Variants in CACNA1C observed in about 807,000 individuals in gnomAD.
CACNA1C encodes the protein voltage-dependent L-type calcium channel subunit alpha-1C.
In CACNA1C, 30 loss-of-function variants were observed where a neutral mutation model predicts 229.0. The observed-to-expected ratio is 0.13, with a 90% CI of 0.10 to 0.18. CACNA1C has a LOEUF of 0.18. CACNA1C is among the 10% of genes least tolerant of loss of function. The probability of loss-of-function intolerance (pLI) is 1.00; values close to 1 mark genes in which losing one functional copy is unlikely to be tolerated. For missense variants in CACNA1C, 1,658 were observed against 2,845.0 expected (o/e 0.58, Z 9.49); for synonymous variants, 1,114 against 1,132.5 (o/e 0.98, Z 0.33).
chr12:2,648,457 A>T lies in CACNA1C; in HGVS notation c.3913-18A>T. The T allele has an allele frequency of 6.2e-7, 1 of 1,613,212 alleles. No homozygotes were observed. The highest frequency in any genetic ancestry group is 8.5e-7 in the Non-Finnish European group (1 of 1,179,222). Reference sequence around the variant, plus strand: ...GGGAGACTCATTACAGCTTATCTCTATCTGCCTTTCTTTAAAGCCAGCTGA... The same window carrying T: ...GGGAGACTCATTACAGCTTATCTCTTTCTGCCTTTCTTTAAAGCCAGCTGA... On this transcript the variant is annotated intron_variant, in intron 30 of 46. Transcript: ENST00000399655.
intron 3 of CACNA1C, among the ~76,000 whole-genome samples, chr12:2,368,794 TGGAAA>T (rs1179382169): frequency 3.3e-5 from 5 of 151,838 alleles, no homozygotes; most frequent in Non-Finnish European, 5.9e-5. Context: ...TGGTGGGGAG[TGGAAA>T]GGAGAGTGCT....
chr12:2,061,455 A>G (rs1244947114), intron 1 of CACNA1C, among the ~76,000 whole-genome samples: 1 of 152,218 alleles, frequency 6.6e-6, no homozygotes, highest in East Asian at 1.9e-4. Flanking sequence ...GAAGTGAACC[A>G]TTGGTTGAGA....
At chr12:2,681,458 G>A (rs1448211181) in intron 42 of CACNA1C, among the ~76,000 whole-genome samples, 4 of 152,192 alleles carry the variant, frequency 2.6e-5, no homozygotes, top group Admixed American at 6.5e-5. Flanking sequence ...TTGTCCCCGT[G>A]TCACAGCTCA....
In CACNA1C at chr12:2,584,574, C is replaced by G; in HGVS notation, c.2296C>G (p.Gln766Glu). ...LADAESLTSA[Q>E]KEEEEEKERK... ...TGATGCTGAGAGCCTCACATCTGCC[C>G]AAAAGGAGGAGGAAGAGGAGAAGGA... Residue 766 changes from glutamine (Q) to glutamate (E), a missense_variant, in exon 16 of 47, where the codon CAA becomes GAA. By Grantham distance (29) the Gln-to-Glu change is conservative. Around this residue, in one of 20 missense-constraint regions of CACNA1C, gnomAD observed 121 missense variants for 128.8 expected, o/e 0.94. Coordinates refer to ENST00000399655, the MANE Select transcript of CACNA1C (RefSeq NM_000719.7). 1 of 1,613,532 alleles carries G rather than the reference C, an allele frequency of 6.2e-7. No individual in the cohort carries two copies. The highest frequency in any genetic ancestry group is 8.5e-7 in the Non-Finnish European group (1 of 1,179,618).
chr12:2,455,838 A>T (rs115972219), intron 4 of CACNA1C, among the ~76,000 whole-genome samples: 61 of 152,078 alleles, frequency 4.0e-4, no homozygotes, highest in African/African-American at 1.4e-3. Flanking sequence ...GCCATCCCTC[A>T]TCAGTCTGTT....
At chr12:2,631,634 A>G (rs913702431) in intron 29 of CACNA1C, among the ~76,000 whole-genome samples, 8 of 152,216 alleles carry the variant, frequency 5.3e-5, no homozygotes, top group African/African-American at 1.4e-4. Context: ...GGGAGAAAGA[A>G]GTCTCTCTGC....
intron 3 of CACNA1C, among the ~76,000 whole-genome samples, chr12:2,253,724 G>A (rs116644100): frequency 0.065 from 9,845 of 152,184 alleles, 423 homozygotes; most frequent in African/African-American, 0.11. Flanking sequence ...CTGCCTCTCC[G>A]TCCATCCACT....
chr12:2,137,388 C>G (rs2093646424), intron 3 of CACNA1C, among the ~76,000 whole-genome samples: 1 of 150,946 alleles, frequency 6.6e-6, no homozygotes, highest in Non-Finnish European at 1.5e-5. Flanking sequence ...ATGCTCCGCC[C>G]AGCTCTACCA....
At chr12:2,015,531 A>C (rs1042241758) in intron 1 of CACNA1C, among the ~76,000 whole-genome samples, 1 of 152,234 alleles carries the variant, frequency 6.6e-6, no homozygotes, top group African/African-American at 2.4e-5. Flanking sequence ...AGACTGAAGC[A>C]CAGAGAAGTG....
At chr12:2,097,227 G>T (rs961768565) in intron 1 of CACNA1C, among the ~76,000 whole-genome samples, 5 of 151,998 alleles carry the variant, frequency 3.3e-5, no homozygotes, top group Non-Finnish European at 5.9e-5. Flanking sequence ...CTCACTGCAA[G>T]CTCCGCCTCC....
rs1222069179 is a variant in CACNA1C at position 2,632,918 on chromosome 12, A to G, written c.3829-1379A>G. 6.6e-6 allele frequency among the ~76,000 whole-genome samples: 1 copy of G among 152,148 alleles called. No individual in the cohort carries two copies. The highest frequency in any genetic ancestry group is 1.5e-5 in the Non-Finnish European group (1 of 68,010). The stretch of plus-strand genomic sequence containing the variant: ...TGCCTCTGTCTCCTTTCCCTTAGGA[A>G]AGTCTTTGCCAGGGTTGGAACTGCC... On this transcript the variant is annotated intron_variant, in intron 29 of 46. Transcript: ENST00000399655. The surrounding 1 kb of genome is among the most constrained non-coding windows in gnomAD (Gnocchi z 4.1).
At chr12:2,415,517 A>G (rs2098871987) in intron 3 of CACNA1C, among the ~76,000 whole-genome samples, 1 of 152,240 alleles carries the variant, frequency 6.6e-6, no homozygotes, top group African/African-American at 2.4e-5. Flanking sequence ...GCCACAGAAA[A>G]TGAAAATAAA....
chr12:2,654,748 C>A lies in CACNA1C; in HGVS notation c.4141-399C>A, dbSNP rs1366153969. 1.3e-5 allele frequency among the ~76,000 whole-genome samples: 2 copies of A among 152,258 alleles called. No homozygotes were observed. The highest frequency in any genetic ancestry group is 2.9e-5 in the Non-Finnish European group (2 of 68,042). ...GCTTGCCCTAGCCTCAGATCACTCA[C>A]TCCACATCACTCCAAAATGCAAGAA... is the stretch of plus-strand genomic sequence containing the variant. On this transcript the variant is annotated intron_variant, in intron 33 of 46. Coordinates refer to ENST00000399655, the MANE Select transcript of CACNA1C (RefSeq NM_000719.7). The surrounding 1 kb of genome is among the most constrained non-coding windows in gnomAD (Gnocchi z 4.4).
intron 5 of CACNA1C, among the ~76,000 whole-genome samples, chr12:2,462,082 C>CCCCTCCTCT (rs1275623198): frequency 6.6e-6 from 1 of 152,016 alleles, no homozygotes; most frequent in Non-Finnish European, 1.5e-5. Flanking sequence ...CCTTCACCCT[C>CCCCTCCTCT]CCCTCCTCTC....
At chr12:2,442,349 A>G (rs2099236872) in intron 3 of CACNA1C, among the ~76,000 whole-genome samples, 1 of 151,166 alleles carries the variant, frequency 6.6e-6, no homozygotes, top group Non-Finnish European at 1.5e-5. Context: ...GAGTGTGGCC[A>G]TGGACCCCCC....
intron 1 of CACNA1C, chr12:1,992,850 A>C: frequency 2.5e-6 from 1 of 395,406 alleles, no homozygotes; most frequent in Non-Finnish European, 4.5e-6. Context: ...ACACTTTGTC[A>C]GCTCACTCGG....
chr12:2,675,009 G>T (rs1344908252), intron 39 of CACNA1C, among the ~76,000 whole-genome samples: 1 of 152,098 alleles, frequency 6.6e-6, no homozygotes, highest in Non-Finnish European at 1.5e-5. Context: ...ATTGCTGTAG[G>T]ATTGCTCTAA....
chr12:2,144,157 G>A (rs922000126), intron 3 of CACNA1C, among the ~76,000 whole-genome samples: 1 of 151,296 alleles, frequency 6.6e-6, no homozygotes, highest in Non-Finnish European at 1.5e-5. Flanking sequence ...AAAATTAGGA[G>A]CTATCTGCAG....
chr12:2,009,181 A>G (rs886251692), intron 1 of CACNA1C, among the ~76,000 whole-genome samples: 6 of 152,236 alleles, frequency 3.9e-5, no homozygotes, highest in African/African-American at 1.4e-4. Context: ...GAGATTAAAC[A>G]TATGCTCACA....
Sources: gnomAD v4.1 joint callset for allele counts (sites outside exome capture counted in the v4.1 genomes callset) on GRCh38, gnomAD v4.1.1 for gene constraint, gnomAD v4.1.1 regional missense constraint, Gnocchi (gnomAD v3.1) non-coding constraint, MANE v1.5 for transcripts, NCBI Gene and HGNC (gene_info 2026-07-23, HGNC 2026-07-21) for gene names.